The following NCOA2 variants were observed in gnomAD, a reference collection of about 807,000 sequenced individuals.
NCOA2 encodes the protein class E basic helix-loop-helix protein 75.
In NCOA2, 21 loss-of-function variants were observed where a neutral mutation model predicts 145.1. That is an observed-to-expected ratio of 0.14 (90% CI 0.10 to 0.21). The LOEUF is 0.21. Among genes scored for constraint, NCOA2 ranks in the 10% least tolerant of loss-of-function variants. The pLI, the probability that NCOA2 is intolerant of heterozygous loss-of-function variation, is 1.00. For synonymous variants in NCOA2, 619 were observed against 637.5 expected, an observed-to-expected ratio of 0.97 and a Z score of 0.44; for missense variants, 1,472 against 1,837.6, an observed-to-expected ratio of 0.80 and a Z score of 3.64.
chr8:70,438,957 AT>A, the NCOA2 span, among the ~76,000 whole-genome samples: 1 of 152,166 alleles, frequency 6.6e-6, no homozygotes, highest in South Asian at 2.1e-4. Flanking sequence ...CTATCCAGAA[AT>A]TTGGGCTTCT....
intron 2 of NCOA2, among the ~76,000 whole-genome samples, chr8:70,220,446 C>T (rs187364212): frequency 1.3e-5 from 2 of 152,342 alleles, no homozygotes; most frequent in African/African-American, 2.4e-5. Flanking sequence ...TTCTTGTTAT[C>T]TGTAACAACA....
At chr8:70,144,209 T>C (rs1810771288) in intron 13 of NCOA2, among the ~76,000 whole-genome samples, 2 of 152,234 alleles carry the variant, frequency 1.3e-5, no homozygotes, top group Non-Finnish European at 2.9e-5. Context: ...TTAGTACTTT[T>C]TGGAATAAGA....
intron 2 of NCOA2, among the ~76,000 whole-genome samples, chr8:70,253,003 C>G (rs1020071218): frequency 6.6e-6 from 1 of 152,208 alleles, no homozygotes; most frequent in African/African-American, 2.4e-5. Flanking sequence ...TTCAAGTGTA[C>G]TGTTAAATGC....
At chr8:70,443,140 G>C in the NCOA2 span, among the ~76,000 whole-genome samples, 1 of 152,176 alleles carries the variant, frequency 6.6e-6, no homozygotes, top group Non-Finnish European at 1.5e-5. Flanking sequence ...TGAGGTGATA[G>C]GCTCGCTTGA....
intron 4 of NCOA2, among the ~76,000 whole-genome samples, chr8:70,186,859 C>T (rs4512408): frequency 0.89 from 136,080 of 152,232 alleles, 61,274 homozygotes; most frequent in African/African-American, 0.95. Flanking sequence ...TTAACATCTT[C>T]ATTAACACCT....
intron 2 of NCOA2, among the ~76,000 whole-genome samples, chr8:70,292,712 G>A (rs1284662741): frequency 6.6e-6 from 1 of 152,156 alleles, no homozygotes; most frequent in Non-Finnish European, 1.5e-5. Context: ...GGCTAGGGAT[G>A]GCCTAAGGGT....
intron 1 of NCOA2, among the ~76,000 whole-genome samples, chr8:70,343,026 A>G (rs1029231081): frequency 1.3e-5 from 2 of 152,206 alleles, no homozygotes; most frequent in Non-Finnish European, 2.9e-5. Context: ...TACAGGCACT[A>G]AACAGGAAAG....
intron 2 of NCOA2, among the ~76,000 whole-genome samples, chr8:70,284,861 G>C (rs1171398500): frequency 1.4e-5 from 2 of 146,840 alleles, no homozygotes; most frequent in African/African-American, 2.4e-5. Flanking sequence ...AGAAGGGAGA[G>C]GGGAGACGGG....
chr8:70,124,416 T>C (rs887988174), intron 20 of NCOA2, among the ~76,000 whole-genome samples: 1 of 152,000 alleles, frequency 6.6e-6, no homozygotes, highest in Non-Finnish European at 1.5e-5. Flanking sequence ...AACTTCTAAA[T>C]AAGCCAGTTT....
chr8:70,183,379 C>T (rs998167367), intron 4 of NCOA2, among the ~76,000 whole-genome samples: 2 of 152,304 alleles, frequency 1.3e-5, no homozygotes, highest in African/African-American at 2.4e-5. Context: ...CAAAGTTACA[C>T]TGTAGGAGTA....
intron 2 of NCOA2, among the ~76,000 whole-genome samples, chr8:70,262,441 A>G (rs1824214069): frequency 6.6e-6 from 1 of 152,228 alleles, no homozygotes; most frequent in South Asian, 2.1e-4. Flanking sequence ...GTACCTTTAC[A>G]AAGAGGAGAG....
At chr8:70,266,479 G>A (rs1824605149) in intron 2 of NCOA2, among the ~76,000 whole-genome samples, 1 of 152,152 alleles carries the variant, frequency 6.6e-6, no homozygotes, top group African/African-American at 2.4e-5. Flanking sequence ...GCTCAAAGCG[G>A]TTATTTCTAA....
chr8:70,129,824 C>T (rs1356019323), intron 16 of NCOA2, among the ~76,000 whole-genome samples: 5 of 152,188 alleles, frequency 3.3e-5, no homozygotes, highest in African/African-American at 1.2e-4. Context: ...GCATGCGCCA[C>T]CAAGCCCGGC....
Position 70,111,445 on chromosome 8 carries a change from G to T in NCOA2, c.*2187C>A. 1 of 219,568 alleles carries T rather than the reference G, an allele frequency of 4.6e-6. No homozygotes were observed. Among genetic ancestry groups the T allele is most frequent in the Non-Finnish European group, 9.1e-6 (1 of 109,408 alleles). The allele number at this position is 219,568 out of a possible 1,614,324, so 13.6% of individuals were successfully genotyped here. A position where few individuals can be genotyped will look rare whatever the true frequency, so the allele number is the denominator to read the frequency against. On this transcript the variant is annotated 3_prime_UTR_variant, in exon 23 of 23. Coordinates refer to ENST00000452400, the MANE Select transcript of NCOA2 (RefSeq NM_006540.4). ...CACATGAGCCTCAGCCCACGGGGAG[G>T]TCCTGGAGTTCTGGGCCAACATCTG...
At chr8:70,208,098 AT>A (rs1262210836) in intron 4 of NCOA2, among the ~76,000 whole-genome samples, 13 of 152,062 alleles carry the variant, frequency 8.5e-5, no homozygotes, top group African/African-American at 2.6e-4. Flanking sequence ...AAATAAAAAA[AT>A]AAAATAAAAT....
At chr8:70,253,202 A>T (rs1036033468) in intron 2 of NCOA2, among the ~76,000 whole-genome samples, 1 of 152,216 alleles carries the variant, frequency 6.6e-6, no homozygotes, top group African/African-American at 2.4e-5. Context: ...ATATTTCCTT[A>T]AAGGCTCATA....
At chr8:70,281,584 A>AC (rs1191113176) in intron 2 of NCOA2, among the ~76,000 whole-genome samples, 9 of 151,834 alleles carry the variant, frequency 5.9e-5, no homozygotes, top group Non-Finnish European at 1.0e-4. Context: ...GAAACTCATC[A>AC]CCCCCCACCT....
chr8:70,145,255 T>C (rs889771802), intron 12 of NCOA2, among the ~76,000 whole-genome samples: 3 of 152,088 alleles, frequency 2.0e-5, no homozygotes, highest in Admixed American at 6.5e-5. Flanking sequence ...CCTCCGAGGT[T>C]CAAGAGATTC....
intron 4 of NCOA2, among the ~76,000 whole-genome samples, chr8:70,210,463 G>A (rs1316203608): frequency 6.6e-6 from 1 of 152,094 alleles, no homozygotes; most frequent in Non-Finnish European, 1.5e-5. Context: ...TCAAACTCTT[G>A]TGTGTACTTG....
Sources: gnomAD v4.1 joint callset for allele counts (sites outside exome capture counted in the v4.1 genomes callset) on GRCh38, gnomAD v4.1.1 for gene constraint, MANE v1.5 for transcripts, NCBI Gene and HGNC (gene_info 2026-07-23, HGNC 2026-07-21) for gene names.